RBM7: variants seen among roughly 807,000 people sequenced by gnomAD.
RBM7 encodes the protein RNA binding motif protein 7, also known as RNA-binding protein 7.
In RBM7, 13 loss-of-function variants were observed where a neutral mutation model predicts 31.0. The observed-to-expected ratio is 0.42, with a 90% confidence interval of 0.27 to 0.67. The LOEUF is 0.67. RBM7 is among the 30% of genes least tolerant of loss of function. The pLI, the probability that RBM7 is intolerant of heterozygous loss-of-function variation, is 0.24. For missense variants in RBM7, 245 were observed against 326.2 expected, an observed-to-expected ratio of 0.75 and a Z score of 1.92; for synonymous variants, 106 against 111.2, an observed-to-expected ratio of 0.95 and a Z score of 0.30.
intron 3 of RBM7, among the ~76,000 whole-genome samples, chr11:114,405,354 C>G (rs1039135070): frequency 2.0e-5 from 3 of 152,200 alleles, no homozygotes; most frequent in African/African-American, 7.2e-5. Context: ...GGCCCACTGG[C>G]TATACTTGCT....
intron 4 of RBM7, 155 bp downstream of exon 4, chr11:114,405,954 C>CT: frequency 1.9e-6 from 1 of 529,966 alleles, no homozygotes; most frequent in East Asian, 3.4e-5. Flanking sequence ...TTTTAGATAA[C>CT]TTTTTCTCAA....
chr11:114,405,451 G>A (rs1171875778), intron 3 of RBM7, among the ~76,000 whole-genome samples: 5 of 152,148 alleles, frequency 3.3e-5, no homozygotes, highest in African/African-American at 9.7e-5. Context: ...CACCTTTTTA[G>A]AAAGGCAGTC....
At position 114,409,061 on chromosome 11, in the gene RBM7, T is replaced by C. The variant is rs1442319045; in HGVS notation, c.*1254T>C. 6.6e-6 allele frequency: 1 copy of C among 152,248 alleles called. No individual in the cohort carries two copies. Among genetic ancestry groups the C allele is most frequent in the Non-Finnish European group, 1.5e-5 (1 of 68,028 alleles). The allele number at this position is 152,248 out of a possible 1,614,324, so 9.4% of individuals were successfully genotyped here. On this transcript the variant is annotated 3_prime_UTR_variant, in exon 5 of 5. Coordinates refer to ENST00000375490, the MANE Select transcript of RBM7 (RefSeq NM_001286045.2). ...TCCTGAAATACATCTTTTGTACATA[T>C]AGAGCATGATGTTTCACAATCAGAT... is the stretch of plus-strand genomic sequence containing the variant.
chr11:114,401,615 A>G (rs1946202283), intron 1 of RBM7, 83 bp from the exon 2 acceptor site: 3 of 1,153,450 alleles, frequency 2.6e-6, no homozygotes, highest in Non-Finnish European at 3.5e-6. Flanking sequence ...GTTGTTTTTA[A>G]ACTTTGTCAT....
In RBM7 at chr11:114,407,585, A is replaced by C; in HGVS notation, c.582A>C (p.Thr194=). ...QSSSSQWRQG[T]PSSQRKVRMN... ...CAAGCTCCCAGTGGCGCCAAGGTAC[A>C]CCATCATCACAGCGTAAAGTCAGAA... The change falls in exon 5 of 5, where the codon ACA becomes ACC. Residue 194 remains threonine, a synonymous_variant. Coordinates refer to ENST00000375490, the MANE Select transcript of RBM7 (RefSeq NM_001286045.2). 1 of 1,614,220 alleles carries C rather than the reference A, an allele frequency of 6.2e-7. No homozygotes were observed. Among genetic ancestry groups the C allele is most frequent in the East Asian group, 2.2e-5 (1 of 44,884 alleles).
chr11:114,404,662 G>A lies in RBM7; in HGVS notation c.348-1044G>A, dbSNP rs1038516333. ...GGACTAGCCTAGGCAACATAACAAG[G>A]CACTCTCTCTATTTAAAGAATTTCT... On this transcript the variant is annotated intron_variant, in intron 3 of 4. Coordinates refer to ENST00000375490, the MANE Select transcript of RBM7 (RefSeq NM_001286045.2). Among the ~76,000 whole-genome samples the A allele has an allele frequency of 7.3e-5, 11 of 150,272 alleles. 1 individual carries two copies. The East Asian group carries it at 2.2e-3, about 29-fold the overall frequency.
At position 114,405,713 on chromosome 11, in the gene RBM7, G is replaced by A. The variant is rs753479874; in HGVS notation, c.355G>A (p.Glu119Lys). 10 of 1,578,138 alleles carry A rather than the reference G, an allele frequency of 6.3e-6. No homozygotes were observed. The Admixed American group carries it at 7.7e-5, about 12-fold the overall frequency. Residue 119 changes from glutamate to lysine, a missense_variant, in exon 4 of 5, where the codon GAA becomes AAA. Transcript: ENST00000375490. ...PTSTSPSSRY[E>K]RTMDNMTSSA... is the part of the protein sequence containing the mutation. ...TGTTGGTTTTCTTTTTAGCAGGTACGAAAGGACTATGGATAACATGACTTC... is the reference window on the plus strand; with the variant it reads ...TGTTGGTTTTCTTTTTAGCAGGTACAAAAGGACTATGGATAACATGACTTC...
chr11:114,402,006 C>A, intron 2 of RBM7, 146 bp downstream of exon 2: 1 of 723,298 alleles, frequency 1.4e-6, no homozygotes, highest in Non-Finnish European at 2.1e-6. Flanking sequence ...TTTATATATC[C>A]CTGAAAACGG....
intron 3 of RBM7, 114 bp downstream of exon 3, chr11:114,403,029 C>A (rs893463143): frequency 4.3e-6 from 4 of 930,332 alleles, no homozygotes; most frequent in Admixed American, 2.0e-5. Flanking sequence ...TTCATTCTGC[C>A]GTTATTACTT....
Position 114,407,988 on chromosome 11 carries a change from C to G in RBM7, c.*181C>G. On this transcript the variant is annotated 3_prime_UTR_variant, in exon 5 of 5. Coordinates refer to ENST00000375490, the MANE Select transcript of RBM7 (RefSeq NM_001286045.2). ...ATTGCGGTTTTATTACATTAATAAC[C>G]TTTCACCTCAGGGTTTTATGAAGAG... 1 of 621,700 alleles carries G rather than the reference C, an allele frequency of 1.6e-6. No individual in the cohort carries two copies. Among genetic ancestry groups the G allele is most frequent in the Non-Finnish European group, 2.5e-6 (1 of 398,764 alleles). The allele number at this position is 621,700 out of a possible 1,614,324, so 38.5% of individuals were successfully genotyped here.
Position 114,408,145 on chromosome 11 carries a change from C to G in RBM7, c.*338C>G, listed in dbSNP as rs1296093956. 1 of 158,506 alleles carries G rather than the reference C, an allele frequency of 6.3e-6. No individual in the cohort carries two copies. The highest frequency in any genetic ancestry group is 6.4e-5 in the Admixed American group (1 of 15,578). The allele number at this position is 158,506 out of a possible 1,614,324, so 9.8% of individuals were successfully genotyped here. A position where few individuals can be genotyped will look rare whatever the true frequency, so the allele number is the denominator to read the frequency against. On this transcript the variant is annotated 3_prime_UTR_variant, in exon 5 of 5. Transcript: ENST00000375490. ...TTTTTGTATTGCAAGAAATTTCTTGCTAGTGAATCAAGAAAACATCCAGGT... is the reference window on the plus strand; with the variant it reads ...TTTTTGTATTGCAAGAAATTTCTTGGTAGTGAATCAAGAAAACATCCAGGT...
chr11:114,409,246 CAATT>C lies in RBM7; in HGVS notation c.*1440_*1443del, dbSNP rs1946308363. ...CTACTCACTATAGAATTAAGATAAA[CAATT>C]TGTTTGCTTAAGCATTTTCACAGAA... On this transcript the variant is annotated 3_prime_UTR_variant, in exon 5 of 5. Coordinates refer to ENST00000375490, the MANE Select transcript of RBM7 (RefSeq NM_001286045.2). The C allele has an allele frequency of 6.6e-6, 1 of 152,124 alleles. No homozygotes were observed. The highest frequency in any genetic ancestry group is 1.9e-4 in the East Asian group (1 of 5,202). 9.4% of individuals were successfully genotyped at this position (152,124 alleles called of 1,614,324 possible). A position where few individuals can be genotyped will look rare whatever the true frequency, so the allele number is the denominator to read the frequency against.
In RBM7 at chr11:114,407,437, T is replaced by C. The variant is rs1004805025; in HGVS notation, c.442-8T>C. On this transcript the variant is annotated splice_region_variant and splice_polypyrimidine_tract_variant and intron_variant, in intron 4 of 4. Transcript: ENST00000375490. ...AGTATTAACATTTCCACTTTTCCTA[T>C]TCCTCAGATGAACAGTGCTTTGAGA... The C allele has an allele frequency of 8.1e-6, 13 of 1,599,700 alleles. No homozygotes were observed. Among genetic ancestry groups the C allele is most frequent in the South Asian group, 3.3e-5 (3 of 89,682 alleles).
chr11:114,402,001 A>G (rs1374319312), intron 2 of RBM7, 141 bp downstream of exon 2: 113 of 776,656 alleles, frequency 1.5e-4, no homozygotes, highest in Non-Finnish European at 2.0e-4. Context: ...CAAACTTTAT[A>G]TATCCCTGAA....
intron 1 of RBM7, among the ~76,000 whole-genome samples, chr11:114,401,337 TA>T (rs1197065213): frequency 1.3e-5 from 2 of 152,212 alleles, no homozygotes; most frequent in Non-Finnish European, 2.9e-5. Context: ...ATTGTTTGAT[TA>T]ATCAATACAA....
At chr11:114,405,250 T>A (rs1236071288) in intron 3 of RBM7, among the ~76,000 whole-genome samples, 1 of 152,224 alleles carries the variant, frequency 6.6e-6, no homozygotes, top group Non-Finnish European at 1.5e-5. Flanking sequence ...GTCTCTGCCA[T>A]TGTAGCACTA....
In RBM7 at chr11:114,407,425, C is replaced by A. The variant is rs769955804; in HGVS notation, c.442-20C>A. On this transcript the variant is annotated intron_variant, in intron 4 of 4. Coordinates refer to ENST00000375490, the MANE Select transcript of RBM7 (RefSeq NM_001286045.2). ...TTGATATCTAGAAGTATTAACATTT[C>A]CACTTTTCCTATTCCTCAGATGAAC... is the stretch of plus-strand genomic sequence containing the variant. The A allele has an allele frequency of 4.4e-6, 7 of 1,589,110 alleles. No homozygotes were observed. The highest frequency in any genetic ancestry group is 1.7e-5 in the Admixed American group (1 of 57,172).
At chr11:114,402,432 C>A (rs1946217567) in intron 2 of RBM7, among the ~76,000 whole-genome samples, 3 of 94,118 alleles carry the variant, frequency 3.2e-5, no homozygotes, top group African/African-American at 4.0e-5. Flanking sequence ...GAGATGGAGT[C>A]TTGCCCTGTT....
At chr11:114,405,958 T>C (rs1278515324) in intron 4 of RBM7, 159 bp downstream of exon 4, 1 of 527,318 alleles carries the variant, frequency 1.9e-6, no homozygotes, top group East Asian at 3.4e-5. Flanking sequence ...AGATAACTTT[T>C]TCTCAAATTT....
Sources: gnomAD v4.1 joint callset for allele counts (sites outside exome capture counted in the v4.1 genomes callset) on GRCh38, gnomAD v4.1.1 for gene constraint, MANE v1.5 for transcripts, NCBI Gene and HGNC (gene_info 2026-07-23, HGNC 2026-07-21) for gene names.